SHANK2: variants seen among roughly 807,000 people sequenced by gnomAD.
The protein encoded by SHANK2 is SH3 and multiple ankyrin repeat domains protein 2.
In SHANK2, 43 loss-of-function variants were observed where a neutral mutation model predicts 133.7. The observed-to-expected ratio is 0.32, with a 90% CI of 0.25 to 0.41. The LOEUF is 0.41. SHANK2 is among the 10% of genes least tolerant of loss of function. The pLI is 1.00. For missense variants in SHANK2, 1,994 were observed against 2,235.8 expected, an observed-to-expected ratio of 0.89 and a Z score of 2.18; for synonymous variants, 1,017 against 952.8, an observed-to-expected ratio of 1.07 and a Z score of -1.24.
intron 17 of SHANK2, among the ~76,000 whole-genome samples, chr11:70,505,316 C>T (rs879959402): frequency 2.0e-5 from 3 of 152,092 alleles, no homozygotes; most frequent in South Asian, 2.1e-4. Flanking sequence ...GCATCTGACC[C>T]GAGCAGCTGT....
chr11:70,865,618 AG>A (rs1555068872), intron 11 of SHANK2, among the ~76,000 whole-genome samples: 1 of 152,100 alleles, frequency 6.6e-6, no homozygotes, highest in African/African-American at 2.4e-5. Flanking sequence ...TCAGCAGCAG[AG>A]GGTGGGGCCA....
At chr11:71,076,002 C>G (rs1252888156) in intron 8 of SHANK2, among the ~76,000 whole-genome samples, 1 of 152,188 alleles carries the variant, frequency 6.6e-6, no homozygotes, top group Non-Finnish European at 1.5e-5. Flanking sequence ...CAACCCTTAA[C>G]CCTCACAGGG....
chr11:70,822,212 C>T (rs550357604), intron 11 of SHANK2, among the ~76,000 whole-genome samples: 16 of 152,380 alleles, frequency 1.1e-4, no homozygotes, highest in African/African-American at 3.8e-4. Flanking sequence ...CTACAGGATT[C>T]AGCCCTTAGG....
At chr11:70,478,380 C>T (rs550772385) in intron 25 of SHANK2, among the ~76,000 whole-genome samples, 1 of 152,304 alleles carries the variant, frequency 6.6e-6, no homozygotes, top group East Asian at 1.9e-4. Flanking sequence ...CTGTCAAGGG[C>T]CTGCTGGGCC....
chr11:70,663,454 G>A (rs979188937), intron 15 of SHANK2, among the ~76,000 whole-genome samples: 6 of 152,288 alleles, frequency 3.9e-5, no homozygotes, highest in Admixed American at 2.0e-4. Context: ...CAGAGAGATC[G>A]GAGGACCCAG....
At chr11:70,673,831 C>G (rs1203201956) in intron 15 of SHANK2, among the ~76,000 whole-genome samples, 2 of 152,258 alleles carry the variant, frequency 1.3e-5, no homozygotes, top group Non-Finnish European at 2.9e-5. Context: ...TGCTTCTCTT[C>G]CAAGTGCTGA....
chr11:70,955,422 G>GTGT (rs1950904837), intron 10 of SHANK2, among the ~76,000 whole-genome samples: 57 of 146,564 alleles, frequency 3.9e-4, no homozygotes, highest in African/African-American at 1.3e-3. Context: ...AGACCCACGG[G>GTGT]GTGTGTGTGT....
At chr11:71,205,453 T>C (rs1954109315) in intron 2 of SHANK2, among the ~76,000 whole-genome samples, 5 of 152,206 alleles carry the variant, frequency 3.3e-5, no homozygotes, top group Admixed American at 3.3e-4. Flanking sequence ...CTCCTGCCTG[T>C]GCCCCTCTTG....
At chr11:70,740,587 T>A (rs1946503059) in intron 14 of SHANK2, among the ~76,000 whole-genome samples, 1 of 151,900 alleles carries the variant, frequency 6.6e-6, no homozygotes, top group Non-Finnish European at 1.5e-5. Flanking sequence ...TTCCTGTTCC[T>A]CCCCCTCACC....
chr11:70,849,911 C>A (rs143092852), intron 11 of SHANK2, among the ~76,000 whole-genome samples: 277 of 152,274 alleles, frequency 1.8e-3, no homozygotes, highest in African/African-American at 6.4e-3. Context: ...AGTATATTCA[C>A]AGTGTTAGGT....
chr11:71,076,325 C>G (rs892085661), intron 8 of SHANK2, among the ~76,000 whole-genome samples: 5 of 151,962 alleles, frequency 3.3e-5, no homozygotes, highest in African/African-American at 9.7e-5. Flanking sequence ...CCATGGTAGC[C>G]CAGGAAGGGG....
chr11:70,709,388 C>T (rs1215882401), intron 14 of SHANK2, among the ~76,000 whole-genome samples: 4 of 152,218 alleles, frequency 2.6e-5, no homozygotes, highest in African/African-American at 9.6e-5. Flanking sequence ...CATGGCAGGA[C>T]CTTAGCTAAT....
At position 70,486,540 on chromosome 11, in the gene SHANK2, G is replaced by A. The variant is rs781849000; in HGVS notation, c.3753C>T (p.Thr1251=). 1 of 1,614,146 alleles carries A rather than the reference G, an allele frequency of 6.2e-7. No homozygotes were observed. The highest frequency in any genetic ancestry group is 1.1e-5 in the South Asian group (1 of 91,078). ...CGGCATCCAGGCTGGGCCGCATTTT[G>A]GTATCAATGTAAAGAGGTTTGTTGA... ...ADLNKPLYID[T]KMRPSLDAGF... The change falls in exon 25 of 26, where the codon ACC becomes ACT. Residue 1251 remains threonine, a synonymous_variant. Transcript: ENST00000601538. The surrounding 1 kb of genome is among the most constrained non-coding windows in gnomAD (Gnocchi z 8.0).
intron 11 of SHANK2, among the ~76,000 whole-genome samples, chr11:70,887,908 G>A (rs1205898561): frequency 2.6e-5 from 4 of 152,102 alleles, no homozygotes; most frequent in Non-Finnish European, 4.4e-5. Context: ...CTCTGCTTGT[G>A]AGCACCAAGG....
At chr11:70,803,199 C>A (rs188024183) in intron 13 of SHANK2, among the ~76,000 whole-genome samples, 329 of 151,352 alleles carry the variant, frequency 2.2e-3, no homozygotes, top group Non-Finnish European at 3.1e-3. Context: ...CTCTGTCATT[C>A]TTTCACGCTG....
At chr11:70,890,331 C>T (rs1223312353) in intron 11 of SHANK2, among the ~76,000 whole-genome samples, 1 of 151,928 alleles carries the variant, frequency 6.6e-6, no homozygotes, top group African/African-American at 2.4e-5. Flanking sequence ...TGGTGAAACC[C>T]CGTCTCTACT....
intron 15 of SHANK2, among the ~76,000 whole-genome samples, chr11:70,680,650 G>A (rs1401491777): frequency 6.6e-6 from 1 of 152,118 alleles, no homozygotes; most frequent in Non-Finnish European, 1.5e-5. Flanking sequence ...TTGGCCGGGT[G>A]AAGTCACACA....
chr11:70,927,336 G>T (rs781915845), intron 10 of SHANK2, among the ~76,000 whole-genome samples: 5 of 152,002 alleles, frequency 3.3e-5, no homozygotes, highest in Admixed American at 6.6e-5. Flanking sequence ...AAAATATTCC[G>T]TTTATCCCAT....
chr11:70,930,187 C>T (rs1269280120), intron 10 of SHANK2, among the ~76,000 whole-genome samples: 1 of 152,246 alleles, frequency 6.6e-6, no homozygotes, highest in Non-Finnish European at 1.5e-5. Context: ...ATCATTCAAT[C>T]TCTCCCTGGA....
Sources: gnomAD v4.1 joint callset for allele counts (sites outside exome capture counted in the v4.1 genomes callset) on GRCh38, gnomAD v4.1.1 for gene constraint, Gnocchi (gnomAD v3.1) non-coding constraint, MANE v1.5 for transcripts, NCBI Gene and HGNC (gene_info 2026-07-23, HGNC 2026-07-21) for gene names.